CCPG1: variants seen among roughly 807,000 people sequenced by gnomAD.
The protein encoded by CCPG1 is cell cycle progression protein 1.
CCPG1 carries 46 observed loss-of-function variants against 81.3 expected under a neutral mutation model. The observed-to-expected ratio is 0.57, with a 90% confidence interval of 0.45 to 0.72. The LOEUF is 0.72. Among genes scored for constraint, CCPG1 ranks in the 30% least tolerant of loss-of-function variants. The pLI is 0.00. For synonymous variants in CCPG1, 330 were observed against 305.2 expected (o/e 1.08, Z -0.85); for missense variants, 902 against 937.6 (o/e 0.96, Z 0.50).
chr15:55,359,296 T>A, intron 8 of CCPG1: 1 of 1,190,838 alleles, frequency 8.4e-7, no homozygotes, highest in Non-Finnish European at 1.0e-6. Context: ...TTAACTGATT[T>A]TTAAGATAAA....
intron 3 of CCPG1, among the ~76,000 whole-genome samples, chr15:55,380,111 AAAAAG>A (rs1566975083): frequency 2.0e-5 from 3 of 151,642 alleles, no homozygotes; most frequent in East Asian, 3.9e-4. Flanking sequence ...AAAAAAAAAA[AAAAAG>A]AAAAGAGCAT....
In CCPG1 at chr15:55,359,520, C is replaced by T. The variant is rs780818316; in HGVS notation, c.2234+19G>A. The T allele has an allele frequency of 3.2e-6, 5 of 1,569,436 alleles. No homozygotes were observed. Among genetic ancestry groups the T allele is most frequent in the East Asian group, 2.2e-5 (1 of 44,478 alleles). On this transcript the variant is annotated intron_variant, in intron 8 of 8. Transcript: ENST00000442196. ...AATGTTACAAACTACTGTAATGACACGGTTTTATGTAAACCGACCTGGGTC... is the reference window on the plus strand; with the variant it reads ...AATGTTACAAACTACTGTAATGACATGGTTTTATGTAAACCGACCTGGGTC...
At chr15:55,381,157 C>T (rs909199040) in intron 3 of CCPG1, among the ~76,000 whole-genome samples, 7 of 150,084 alleles carry the variant, frequency 4.7e-5, no homozygotes, top group African/African-American at 9.8e-5. Context: ...AAAATTAGGC[C>T]GGGCACAGTG....
chr15:55,358,923 A>G, intron 8 of CCPG1: 1 of 961,550 alleles, frequency 1.0e-6, no homozygotes, highest in Non-Finnish European at 1.2e-6. Flanking sequence ...AGATTAGGTA[A>G]GTTTCATGTT....
rs566957838 is a variant in CCPG1, at chr15:55,407,249, T to C, written c.-10+972A>G. Among the ~76,000 whole-genome samples, 17 of 149,604 alleles carry C rather than the reference T, an allele frequency of 1.1e-4. No individual in the cohort carries two copies. In the East Asian group the frequency reaches 3.2e-3, roughly 28 times the overall value. Reference sequence around the variant, plus strand: ...CTCTCAAAAAAAAAAAAAATATGAATTAAAATAATACCCTCACCATCTCCA... The same window carrying C: ...CTCTCAAAAAAAAAAAAAATATGAACTAAAATAATACCCTCACCATCTCCA... On this transcript the variant is annotated intron_variant, in intron 1 of 8. Coordinates refer to ENST00000442196, the MANE Select transcript of CCPG1 (RefSeq NM_001204450.2).
intron 3 of CCPG1, among the ~76,000 whole-genome samples, chr15:55,380,886 T>C (rs1450617063): frequency 6.6e-6 from 1 of 150,422 alleles, no homozygotes; most frequent in Non-Finnish European, 1.5e-5. Flanking sequence ...GCCTGTAATC[T>C]CAGCACTTTG....
chr15:55,407,587 TAAAC>T (rs979227289), intron 1 of CCPG1, among the ~76,000 whole-genome samples: 3 of 152,136 alleles, frequency 2.0e-5, no homozygotes, highest in South Asian at 2.1e-4. Context: ...GTGCTAAACA[TAAAC>T]AACGCGTACA....
intron 6 of CCPG1, 75 bp from the exon 7 acceptor site, chr15:55,365,384 G>A: frequency 1.1e-6 from 1 of 897,808 alleles, no homozygotes; most frequent in Non-Finnish European, 1.7e-6. Context: ...TTTTAATATT[G>A]GTAATCTGCA....
At chr15:55,393,188 A>C (rs1234640926) in intron 1 of CCPG1, among the ~76,000 whole-genome samples, 1 of 152,186 alleles carries the variant, frequency 6.6e-6, no homozygotes, top group Non-Finnish European at 1.5e-5. Flanking sequence ...CTGTAACAGC[A>C]CTTTCGGAGG....
At chr15:55,366,350 GC>G (rs1471412829) in intron 6 of CCPG1, among the ~76,000 whole-genome samples, 4 of 151,124 alleles carry the variant, frequency 2.6e-5, no homozygotes, top group Non-Finnish European at 5.9e-5. Flanking sequence ...ATACAACAAA[GC>G]CCAAAAAGTA....
At chr15:55,406,873 T>G (rs2057235711) in intron 1 of CCPG1, among the ~76,000 whole-genome samples, 1 of 152,226 alleles carries the variant, frequency 6.6e-6, no homozygotes, top group African/African-American at 2.4e-5. Context: ...GGCTGATTTT[T>G]AATCAGCTTT....
intron 1 of CCPG1, among the ~76,000 whole-genome samples, chr15:55,394,035 T>G (rs1194780729): frequency 6.6e-6 from 1 of 152,164 alleles, no homozygotes; most frequent in Non-Finnish European, 1.5e-5. Flanking sequence ...TTGTTCAAGA[T>G]GCCAAGAACC....
intron 3 of CCPG1, among the ~76,000 whole-genome samples, 192 bp downstream of exon 3, chr15:55,385,408 C>T (rs2056779179): frequency 6.6e-6 from 1 of 152,108 alleles, no homozygotes; most frequent in South Asian, 2.1e-4. Context: ...CTCAAATGAT[C>T]CGCCCACCTC....
chr15:55,395,396 T>C (rs2056997461), intron 1 of CCPG1, among the ~76,000 whole-genome samples: 3 of 152,330 alleles, frequency 2.0e-5, no homozygotes, highest in South Asian at 4.1e-4. Flanking sequence ...GATCTTCAAA[T>C]GATAATCTCA....
At chr15:55,359,135 T>G (rs1347943498) in intron 8 of CCPG1, 3 of 982,506 alleles carry the variant, frequency 3.1e-6, no homozygotes, top group Non-Finnish European at 3.6e-6. Context: ...TCTTCTGACT[T>G]CAGAGTAAAA....
intron 6 of CCPG1, 114 bp from the exon 7 acceptor site, chr15:55,365,423 TTTTTTTTTG>T: frequency 4.8e-6 from 3 of 628,842 alleles, no homozygotes; most frequent in Non-Finnish European, 5.2e-6. Context: ...TTTTTTGTTT[TTTTTTTTTG>T]TTTTTTTTTT....
intron 1 of CCPG1, among the ~76,000 whole-genome samples, chr15:55,400,563 A>G (rs6493783): frequency 0.34 from 48,450 of 142,650 alleles, 8,889 homozygotes; most frequent in Non-Finnish European, 0.43. Flanking sequence ...TCAAAAAAAC[A>G]AAAACAAAAC....
Position 55,355,315 on chromosome 15 carries a change from T to A in CCPG1, c.*905A>T, listed in dbSNP as rs2141232256. 6.2e-7 allele frequency: 1 copy of A among 1,610,464 alleles called. No homozygotes were observed. Among genetic ancestry groups the A allele is most frequent in the Non-Finnish European group, 8.5e-7 (1 of 1,177,854 alleles). On this transcript the variant is annotated 3_prime_UTR_variant, in exon 9 of 9. Coordinates refer to ENST00000442196, the MANE Select transcript of CCPG1 (RefSeq NM_001204450.2). ...TAAGCGCTTTCCTAATTTCAAGCAATTATAAAAGAACTGCTGTTTTCTTCC... is the reference window on the plus strand; with the variant it reads ...TAAGCGCTTTCCTAATTTCAAGCAAATATAAAAGAACTGCTGTTTTCTTCC...
intron 7 of CCPG1, among the ~76,000 whole-genome samples, chr15:55,363,081 C>A (rs2056238765): frequency 6.6e-6 from 1 of 151,528 alleles, no homozygotes; most frequent in Admixed American, 6.6e-5. Flanking sequence ...GGCGCAGTGA[C>A]TCACGCCTGT....
Sources: allele counts gnomAD v4.1 joint callset (sites outside exome capture counted in the v4.1 genomes callset), GRCh38; gene constraint gnomAD v4.1.1; transcripts MANE v1.5; gene names NCBI Gene and HGNC (gene_info 2026-07-23, HGNC 2026-07-21).